Variants in DNMBP observed in about 807,000 individuals in gnomAD.
DNMBP encodes the protein dynamin binding protein, also known as dynamin-binding protein.
A neutral mutation model predicts 150.0 loss-of-function variants in DNMBP; 87 were observed. The ratio of observed to expected loss-of-function variants is 0.58; its 90% CI spans 0.49 to 0.69. The LOEUF (loss-of-function observed/expected upper bound fraction) is 0.69. DNMBP is among the 30% of genes least tolerant of loss of function. DNMBP has a pLI of 0.00. For missense variants in DNMBP, 1,774 were observed against 1,949.0 expected (o/e 0.91, Z 1.69); for synonymous variants, 711 against 750.4 (o/e 0.95, Z 0.86).
chr10:99,938,162 G>A lies in DNMBP; in HGVS notation c.2260+17052C>T, dbSNP rs540626646. Among the ~76,000 whole-genome samples, 32 of 152,276 alleles carry A rather than the reference G, an allele frequency of 2.1e-4. 4 individuals are homozygous for A. The South Asian group carries it at 6.6e-3, about 32-fold the overall frequency. ...CTAGCAACTTGATATCTTTGATAAA[G>A]CTAGCAAGATAAGAAAAATACACCT... On this transcript the variant is annotated intron_variant, in intron 4 of 16. Coordinates refer to ENST00000324109, the MANE Select transcript of DNMBP (RefSeq NM_015221.4).
chr10:99,943,411 T>TG (rs1179056416), intron 4 of DNMBP, among the ~76,000 whole-genome samples: 1 of 151,508 alleles, frequency 6.6e-6, no homozygotes, highest in East Asian at 1.9e-4. Flanking sequence ...TTTGTTTGTT[T>TG]TTTTGAGACA....
At chr10:99,896,173 A>AGG in intron 10 of DNMBP, 94 bp downstream of exon 10, 5 of 1,439,686 alleles carry the variant, frequency 3.5e-6, no homozygotes, top group Non-Finnish European at 4.7e-6. Context: ...CGTCTGAGGA[A>AGG]GGGAACCACG....
At chr10:99,918,198 C>A (rs1164269684) in intron 4 of DNMBP, among the ~76,000 whole-genome samples, 1 of 151,816 alleles carries the variant, frequency 6.6e-6, no homozygotes, top group Non-Finnish European at 1.5e-5. Flanking sequence ...CTCTGGCCAG[C>A]CCACCCAACC....
intron 3 of DNMBP, among the ~76,000 whole-genome samples, chr10:99,964,676 G>C (rs1220138842): frequency 6.6e-6 from 1 of 151,486 alleles, no homozygotes; most frequent in Non-Finnish European, 1.5e-5. Context: ...TTCGAGACCA[G>C]CTTGGCCAAA....
At chr10:99,977,379 A>T (rs2040739134) in intron 1 of DNMBP, among the ~76,000 whole-genome samples, 2 of 152,228 alleles carry the variant, frequency 1.3e-5, no homozygotes, top group South Asian at 4.1e-4. Context: ...TGGCTTCTAT[A>T]AGCTGTTCCA....
chr10:99,926,248 C>T (rs1348169536), intron 4 of DNMBP, among the ~76,000 whole-genome samples: 1 of 152,032 alleles, frequency 6.6e-6, no homozygotes, highest in Non-Finnish European at 1.5e-5. Flanking sequence ...TTATAACTAC[C>T]AAAAACACTT....
chr10:100,007,734 G>A (rs1315298747), intron 1 of DNMBP, among the ~76,000 whole-genome samples: 1 of 152,278 alleles, frequency 6.6e-6, no homozygotes, highest in African/African-American at 2.4e-5. Context: ...TTGGTTTAAC[G>A]GCTCTTTCAT....
At chr10:99,998,858 C>T (rs1310270232) in intron 1 of DNMBP, among the ~76,000 whole-genome samples, 1 of 152,116 alleles carries the variant, frequency 6.6e-6, no homozygotes, top group Admixed American at 6.5e-5. Flanking sequence ...ATACAGAAAC[C>T]AAGTTAGCTT....
At chr10:99,926,802 A>G (rs188459843) in intron 4 of DNMBP, among the ~76,000 whole-genome samples, 1 of 152,316 alleles carries the variant, frequency 6.6e-6, no homozygotes, top group African/African-American at 2.4e-5. Context: ...GGAGGCCAGA[A>G]GAGCCCAGCA....
intron 1 of DNMBP, among the ~76,000 whole-genome samples, chr10:99,985,951 A>AAAC (rs2040822832): frequency 6.6e-6 from 1 of 152,046 alleles, no homozygotes; most frequent in Non-Finnish European, 1.5e-5. Context: ...GGGTTTCATC[A>AAAC]TGTTGGCCAG....
intron 6 of DNMBP, among the ~76,000 whole-genome samples, chr10:99,907,221 G>A (rs2039837349): frequency 6.6e-6 from 1 of 151,896 alleles, no homozygotes; most frequent in Non-Finnish European, 1.5e-5. Context: ...CAGCTATGTG[G>A]GAGACCAAGG....
rs10654940 is a variant in DNMBP, at chr10:99,915,108, A to AAAAAAAAATAT, written c.2261-5963_2261-5962insATATTTTTTTT. 4.9e-4 allele frequency among the ~76,000 whole-genome samples: 49 copies of AAAAAAAAATAT among 99,782 alleles called. No individual in the cohort carries two copies. The Admixed American group carries it at 4.9e-3, about 10-fold the overall frequency. The allele number at this position is 99,782 out of a possible 152,430, so 65.5% of individuals were successfully genotyped here. The stretch of plus-strand genomic sequence containing the variant: ...AAACTCTGTCTCAAAAAAAAAAAAA[A>AAAAAAAAATAT]ATATATATATATATATATATACACA... On this transcript the variant is annotated intron_variant, in intron 4 of 16. Transcript: ENST00000324109.
intron 1 of DNMBP, among the ~76,000 whole-genome samples, chr10:99,982,430 C>G (rs1042391613): frequency 6.6e-6 from 1 of 151,530 alleles, no homozygotes; most frequent in African/African-American, 2.4e-5. Flanking sequence ...GGCAACAGAG[C>G]GAGACCCTGT....
chr10:99,957,394 G>A, intron 3 of DNMBP, 189 bp from the exon 4 acceptor site: 1 of 621,684 alleles, frequency 1.6e-6, no homozygotes, highest in Non-Finnish European at 2.8e-6. Flanking sequence ...AGTTTTCAGA[G>A]TGTTCCATGG....
chr10:99,914,126 C>T, intron 4 of DNMBP: 1 of 1,338,914 alleles, frequency 7.5e-7, no homozygotes, highest in Non-Finnish European at 9.7e-7. Flanking sequence ...GTCACCCGGG[C>T]TATCACAGCA....
intron 3 of DNMBP, among the ~76,000 whole-genome samples, chr10:99,967,127 G>A (rs2040627314): frequency 6.6e-6 from 1 of 152,006 alleles, no homozygotes; most frequent in South Asian, 2.1e-4. Flanking sequence ...ACTTCTTAAA[G>A]TTAAGTAAGG....
intron 4 of DNMBP, among the ~76,000 whole-genome samples, chr10:99,912,181 C>T (rs976106394): frequency 3.3e-5 from 5 of 152,228 alleles, no homozygotes; most frequent in African/African-American, 9.6e-5. Context: ...GATTTAGAAC[C>T]TAAATATATT....
chr10:99,902,182 T>C (rs2039751457), intron 6 of DNMBP, among the ~76,000 whole-genome samples: 1 of 151,920 alleles, frequency 6.6e-6, no homozygotes, highest in Non-Finnish European at 1.5e-5. Context: ...TGAGTCACCA[T>C]GCCTGGCCTA....
chr10:99,938,437 A>T (rs938475756), intron 4 of DNMBP, among the ~76,000 whole-genome samples: 4 of 152,146 alleles, frequency 2.6e-5, no homozygotes, highest in Admixed American at 1.3e-4. Context: ...CCAGCTACTC[A>T]GGAGGCTGAG....
Sources: gnomAD v4.1 joint callset for allele counts (sites outside exome capture counted in the v4.1 genomes callset) on GRCh38, gnomAD v4.1.1 for gene constraint, MANE v1.5 for transcripts, NCBI Gene and HGNC (gene_info 2026-07-23, HGNC 2026-07-21) for gene names.